ZDHHC1: variants seen among roughly 807,000 people sequenced by gnomAD.
ZDHHC1 encodes the protein palmitoyltransferase ZDHHC1.
In ZDHHC1, 45 loss-of-function variants were observed where a neutral mutation model predicts 46.9. The observed-to-expected ratio is 0.96, with a 90% CI of 0.76 to 1.23. The LOEUF is 1.23. ZDHHC1 is among the 50% of genes most tolerant of loss of function. The probability of loss-of-function intolerance (pLI) is 0.00; values close to 1 mark genes in which losing one functional copy is unlikely to be tolerated. For missense variants in ZDHHC1, 649 were observed against 670.8 expected (o/e 0.97, Z 0.36); for synonymous variants, 291 against 286.0 (o/e 1.02, Z -0.18).
At chr16:67,397,909 G>A (rs1165446160) in intron 8 of ZDHHC1, among the ~76,000 whole-genome samples, 1 of 152,178 alleles carries the variant, frequency 6.6e-6, no homozygotes, top group African/African-American at 2.4e-5. Flanking sequence ...CCCGTCGCTG[G>A]TCCATCCCTC....
At chr16:67,411,359 A>G (rs2040745352) in intron 1 of ZDHHC1, among the ~76,000 whole-genome samples, 1 of 152,154 alleles carries the variant, frequency 6.6e-6, no homozygotes, top group Non-Finnish European at 1.5e-5. Flanking sequence ...GCCAATGGGG[A>G]GACGCAGGTG....
In ZDHHC1 at chr16:67,410,523, C is replaced by T. The variant is rs577214417; in HGVS notation, c.-38-2710G>A. ...GCAGGCAGGAGGGGCTGTGGAGGCC[C>T]CTCCCTTATCCCCCACAAGGTGAAA... On this transcript the variant is annotated intron_variant, in intron 1 of 11. Transcript: ENST00000565726. Among the ~76,000 whole-genome samples the T allele has an allele frequency of 7.9e-5, 12 of 152,246 alleles. No individual in the cohort carries two copies. The South Asian group carries it at 2.3e-3, about 29-fold the overall frequency.
Position 67,398,315 on chromosome 16 carries a change from T to A in ZDHHC1, c.824A>T (p.Lys275Met). The change falls in exon 8 of 12, where the codon AAG becomes ATG. Residue 275 changes from lysine to methionine, a missense_variant. Lys to Met is a moderately conservative substitution (Grantham distance 95, BLOSUM62 -1). Coordinates refer to ENST00000565726, the MANE Select transcript of ZDHHC1 (RefSeq NM_001323627.2). ...LCFHIYLMWH[K>M]LTTYEYIVQH... Reference sequence around the variant, plus strand: ...CACGATGTACTCATAGGTGGTGAGCTTGTGCCACACTGGTGGGGGGAGGAG... The same window carrying A: ...CACGATGTACTCATAGGTGGTGAGCATGTGCCACACTGGTGGGGGGAGGAG... 6.2e-7 allele frequency: 1 copy of A among 1,613,328 alleles called. No homozygotes were observed. Among genetic ancestry groups the A allele is most frequent in the East Asian group, 2.2e-5 (1 of 44,882 alleles).
intron 6 of ZDHHC1, 23 bp from the exon 7 acceptor site, chr16:67,398,754 G>A (rs1381301129): frequency 2.5e-6 from 4 of 1,611,092 alleles, no homozygotes; most frequent in Admixed American, 1.7e-5. Flanking sequence ...GGCAGTGTGT[G>A]CTCAGCCGGG....
At chr16:67,398,160 C>A (rs1373246184) in intron 8 of ZDHHC1, 52 bp downstream of exon 8, 2 of 1,571,566 alleles carry the variant, frequency 1.3e-6, no homozygotes, top group African/African-American at 2.7e-5. Flanking sequence ...GCTCGCTGCA[C>A]AGCCCAACAC....
intron 4 of ZDHHC1, among the ~76,000 whole-genome samples, chr16:67,400,058 A>C (rs541122640): frequency 6.6e-6 from 1 of 152,332 alleles, no homozygotes; most frequent in South Asian, 2.1e-4. Context: ...GGAAGGCCCA[A>C]AGGCACAACC....
chr16:67,400,967 T>C lies in ZDHHC1; in HGVS notation c.418A>G (p.Asn140Asp), dbSNP rs780757606. Residue 140 changes from asparagine (N) to aspartate (D), a missense_variant, in exon 4 of 12, where the codon AAC becomes GAC. Physicochemically the swap from Asn to Asp is conservative, Grantham distance 23. Coordinates refer to ENST00000565726, the MANE Select transcript of ZDHHC1 (RefSeq NM_001323627.2). ...CCCACACACACTCACACATCCACGT[T>C]GCACAAGTTGCAGTGCAGGTCTTCA... ...VIEDLHCNLC[N>D]VDVSARSKHC... is the part of the protein sequence containing the mutation. 9 of 1,613,884 alleles carry C rather than the reference T, an allele frequency of 5.6e-6. No individual in the cohort carries two copies. In the Admixed American group the frequency reaches 1.3e-4, roughly 24 times the overall value.
chr16:67,413,994 C>G (rs1180054429), intron 1 of ZDHHC1, among the ~76,000 whole-genome samples: 1 of 151,020 alleles, frequency 6.6e-6, no homozygotes, highest in Non-Finnish European at 1.5e-5. Flanking sequence ...GCTTGAAACT[C>G]CAATTATTCC....
At position 67,406,392 on chromosome 16, in the gene ZDHHC1, C is replaced by A. The variant is rs758299772; in HGVS notation, c.60G>T (p.Val20=). ...PSNKTAPEKS[V]WTAPAQPSGP... Reference sequence around the variant, plus strand: ...CGCTGGGCTGTGCCGGTGCCGTCCACACACTCTTCTCAGGGGCCGTCTTGT... The same window carrying A: ...CGCTGGGCTGTGCCGGTGCCGTCCAAACACTCTTCTCAGGGGCCGTCTTGT... The change falls in exon 3 of 12, where the codon GTG becomes GTT. Residue 20 remains valine, a synonymous_variant. Coordinates refer to ENST00000565726, the MANE Select transcript of ZDHHC1 (RefSeq NM_001323627.2). The surrounding 1 kb of genome is among the most constrained non-coding windows in gnomAD (Gnocchi z 4.1). 6.3e-7 allele frequency: 1 copy of A among 1,577,414 alleles called. No individual in the cohort carries two copies. The highest frequency in any genetic ancestry group is 8.6e-7 in the Non-Finnish European group (1 of 1,161,288).
At chr16:67,413,716 G>T (rs945080833) in intron 1 of ZDHHC1, among the ~76,000 whole-genome samples, 1 of 152,126 alleles carries the variant, frequency 6.6e-6, no homozygotes, top group African/African-American at 2.4e-5. Context: ...GAGGCGGGCA[G>T]ATCACCTGAG....
chr16:67,412,170 C>T (rs535898533), intron 1 of ZDHHC1, among the ~76,000 whole-genome samples: 2 of 151,864 alleles, frequency 1.3e-5, no homozygotes, highest in South Asian at 2.1e-4. Context: ...CCTATACGCA[C>T]AGATTTTCTC....
Position 67,398,661 on chromosome 16 carries a change from G to T in ZDHHC1, c.726C>A (p.Ala242=). ...PAAPVETQAP[A]ILALAALLIL... is the part of the protein sequence containing the mutation. Reference sequence around the variant, plus strand: ...TGAGCAGGGCGGCCAGGGCCAGGATGGCAGGGGCCTGGGTCTCCACGGGGG... The same window carrying T: ...TGAGCAGGGCGGCCAGGGCCAGGATTGCAGGGGCCTGGGTCTCCACGGGGG... Residue 242 remains alanine (A), a synonymous_variant, in exon 7 of 12, where the codon GCC becomes GCA. Coordinates refer to ENST00000565726, the MANE Select transcript of ZDHHC1 (RefSeq NM_001323627.2). 1 of 1,607,868 alleles carries T rather than the reference G, an allele frequency of 6.2e-7. No homozygotes were observed.
In ZDHHC1 at chr16:67,406,653, T is replaced by C. The variant is rs2040667277; in HGVS notation, c.10-211A>G. 6.6e-6 allele frequency among the ~76,000 whole-genome samples: 1 copy of C among 152,098 alleles called. No homozygotes were observed. The highest frequency in any genetic ancestry group is 2.1e-4 in the South Asian group (1 of 4,830). On this transcript the variant is annotated intron_variant, in intron 2 of 11. Transcript: ENST00000565726. This position sits in a 1 kb window ranked among gnomAD's most constrained non-coding sequence, Gnocchi z 4.1. The stretch of plus-strand genomic sequence containing the variant: ...CAAAGCCCAAAGCAAACCCTGGCCC[T>C]AGACTGGCCAGGACAAGGTAGGAGG...
intron 1 of ZDHHC1, among the ~76,000 whole-genome samples, chr16:67,415,422 G>A (rs1456762414): frequency 6.6e-6 from 1 of 151,886 alleles, no homozygotes; most frequent in Non-Finnish European, 1.5e-5. Flanking sequence ...TCACACCACA[G>A]CACTCCAGCC....
At chr16:67,397,219 G>A (rs993532661) in intron 8 of ZDHHC1, among the ~76,000 whole-genome samples, 8 of 152,238 alleles carry the variant, frequency 5.3e-5, no homozygotes, top group African/African-American at 7.2e-5. Context: ...CAAAGAGCCC[G>A]CCCTGCTTCA....
rs754181592 is a variant in ZDHHC1, at chr16:67,406,475, G to A, written c.10-33C>T. ...GGGAGAAACAGTAGAGAGAGCATTA[G>A]CCCAAGAAGCTGGGCTGGAGCCCAG... is the stretch of plus-strand genomic sequence containing the variant. On this transcript the variant is annotated intron_variant, in intron 2 of 11. Transcript: ENST00000565726. The surrounding 1 kb of genome is among the most constrained non-coding windows in gnomAD (Gnocchi z 4.1). The A allele has an allele frequency of 2.0e-6, 3 of 1,469,392 alleles. No homozygotes were observed. Among genetic ancestry groups the A allele is most frequent in the East Asian group, 4.9e-5 (2 of 40,966 alleles). 91.0% of individuals were successfully genotyped at this position (1,469,392 alleles called of 1,614,324 possible).
chr16:67,414,753 A>C (rs2142268686), intron 1 of ZDHHC1, among the ~76,000 whole-genome samples: 1 of 152,374 alleles, frequency 6.6e-6, no homozygotes, highest in Non-Finnish European at 1.5e-5. Context: ...ACACTAAATG[A>C]GTTATTTTAG....
chr16:67,406,349 G>A lies in ZDHHC1; in HGVS notation c.103C>T (p.Gln35Ter). Residue 35 changes from glutamine (Q) to a stop codon, truncating the protein, a stop_gained, in exon 3 of 12, where the codon CAG (glutamine) becomes TAG (stop). Coordinates refer to ENST00000565726, the MANE Select transcript of ZDHHC1 (RefSeq NM_001323627.2). LOFTEE classifies it high-confidence loss of function. The surrounding 1 kb of genome is among the most constrained non-coding windows in gnomAD (Gnocchi z 4.1). ...AQPSGPSPEL[Q>*]GQRSRRNGWS... ...CCATTCCGGCGGGATCGCTGGCCCT[G>A]CAGCTCAGGGGAGGGTCCGCTGGGC... The A allele has an allele frequency of 3.8e-6, 6 of 1,589,212 alleles. No individual in the cohort carries two copies. Among genetic ancestry groups the A allele is most frequent in the Non-Finnish European group, 5.1e-6 (6 of 1,167,872 alleles).
In ZDHHC1 at chr16:67,398,274, G is replaced by A. The variant is rs1347953706; in HGVS notation, c.865C>T (p.Gln289Ter). 1 of 1,614,144 alleles carries A rather than the reference G, an allele frequency of 6.2e-7. No homozygotes were observed. The highest frequency in any genetic ancestry group is 1.7e-5 in the Admixed American group (1 of 60,016). ...TCCCTGTGAACCCCCTTGGCCTCCT[G>A]TGGTGGGCGGTGCTGCACGATGTAC... ...YEYIVQHRPP[Q>*]EAKGVHRELE... Residue 289 changes from glutamine (Q) to a stop codon, truncating the protein, a stop_gained, in exon 8 of 12, where the codon CAG becomes TAG. Coordinates refer to ENST00000565726, the MANE Select transcript of ZDHHC1 (RefSeq NM_001323627.2). LOFTEE classifies it high-confidence loss of function.
Sources: gnomAD v4.1 joint callset for allele counts (sites outside exome capture counted in the v4.1 genomes callset) on GRCh38, gnomAD v4.1.1 for gene constraint, Gnocchi (gnomAD v3.1) non-coding constraint, MANE v1.5 for transcripts, NCBI Gene and HGNC (gene_info 2026-07-23, HGNC 2026-07-21) for gene names.